The following ATP8A1 variants were observed in gnomAD, a reference collection of about 807,000 sequenced individuals.
The protein encoded by ATP8A1 is ATPase phospholipid transporting 8A1, also known as phospholipid-transporting ATPase IA.
In ATP8A1, 90 loss-of-function variants were observed where a neutral mutation model predicts 177.7. The observed-to-expected ratio is 0.51, with a 90% CI of 0.43 to 0.60. The LOEUF (loss-of-function observed/expected upper bound fraction) is 0.60. Among genes scored for constraint, ATP8A1 ranks in the 20% least tolerant of loss-of-function variants. The probability of loss-of-function intolerance (pLI) is 0.00; values close to 1 mark genes in which losing one functional copy is unlikely to be tolerated. For missense variants in ATP8A1, 1,072 were observed against 1,392.8 expected, an observed-to-expected ratio of 0.77 and a Z score of 3.67; for synonymous variants, 493 against 485.9, an observed-to-expected ratio of 1.01 and a Z score of -0.19.
intron 6 of ATP8A1, among the ~76,000 whole-genome samples, chr4:42,593,098 C>T (rs1462517686): frequency 6.6e-6 from 1 of 152,040 alleles, no homozygotes; most frequent in African/African-American, 2.4e-5. Flanking sequence ...GAAATCAAGG[C>T]ATGAGAGATT....
chr4:42,442,677 T>TAA (rs747962979), intron 33 of ATP8A1, among the ~76,000 whole-genome samples: 2 of 152,194 alleles, frequency 1.3e-5, no homozygotes, highest in Non-Finnish European at 2.9e-5. Flanking sequence ...TGCTGTCAGA[T>TAA]AAAATTTCAT....
In ATP8A1 at chr4:42,475,662, T is replaced by C. The variant is rs185813723; in HGVS notation, c.2324+9834A>G. On this transcript the variant is annotated intron_variant, in intron 25 of 36. Transcript: ENST00000381668. ...ATATAATTTATAAGAGCAACAAACA[T>C]TTGAATAATAGGTGCCACGTATTAG... Among the ~76,000 whole-genome samples, 91 of 152,208 alleles carry C rather than the reference T, an allele frequency of 6.0e-4. No individual in the cohort carries two copies. In the East Asian group the frequency reaches 0.01, roughly 17 times the overall value.
intron 22 of ATP8A1, among the ~76,000 whole-genome samples, chr4:42,514,943 C>T (rs1725380126): frequency 2.6e-5 from 4 of 152,110 alleles, no homozygotes; most frequent in South Asian, 2.1e-4. Flanking sequence ...ATGTTGAATA[C>T]GTACTTATGA....
intron 20 of ATP8A1, among the ~76,000 whole-genome samples, chr4:42,528,228 G>A (rs6447166): frequency 0.17 from 25,210 of 152,098 alleles, 4,477 homozygotes; most frequent in African/African-American, 0.45. Context: ...CAACTGGCAG[G>A]ATCCCCACAT....
rs570573159 is a variant in ATP8A1 at position 42,414,158 on chromosome 4, T to C, written c.3397+469A>G. Among the ~76,000 whole-genome samples the C allele has an allele frequency of 2.2e-4, 33 of 152,390 alleles. No homozygotes were observed. The South Asian group carries it at 2.9e-3, about 13-fold the overall frequency. ...ATTTACTACAGGGCTTTACATTTTATATTCTTTTTTAGATCTTGAAATGTT... is the reference window on the plus strand; with the variant it reads ...ATTTACTACAGGGCTTTACATTTTACATTCTTTTTTAGATCTTGAAATGTT... On this transcript the variant is annotated intron_variant, in intron 36 of 36. Transcript: ENST00000381668.
At chr4:42,575,743 G>T (rs1732380837) in intron 12 of ATP8A1, 44 bp from the exon 13 acceptor site, 1 of 1,501,396 alleles carries the variant, frequency 6.7e-7, no homozygotes, top group South Asian at 1.2e-5. Flanking sequence ...CTGGTAATAA[G>T]GAATTGGGTG....
Position 42,511,372 on chromosome 4 carries a change from G to A in ATP8A1, c.1948-4218C>T, listed in dbSNP as rs1724989144. Among the ~76,000 whole-genome samples the A allele has an allele frequency of 2.6e-5, 4 of 152,064 alleles. No homozygotes were observed. The South Asian group carries it at 8.3e-4, about 32-fold the overall frequency. On this transcript the variant is annotated intron_variant, in intron 22 of 36. Coordinates refer to ENST00000381668, the MANE Select transcript of ATP8A1 (RefSeq NM_006095.2). ...AGATGGCCACTAATGGGCACTAGGGGAATTACATATTCAGCAAGTGTTGAA... is the reference window on the plus strand; with the variant it reads ...AGATGGCCACTAATGGGCACTAGGGAAATTACATATTCAGCAAGTGTTGAA...
chr4:42,629,843 A>C (rs568339085), intron 1 of ATP8A1, among the ~76,000 whole-genome samples: 2 of 152,346 alleles, frequency 1.3e-5, no homozygotes, highest in African/African-American at 4.8e-5. Flanking sequence ...TCTTCAATGC[A>C]ATCATCTTAC....
chr4:42,409,302 TTAAC>T lies in ATP8A1; in HGVS notation c.*3610_*3613del, dbSNP rs1358601805. On this transcript the variant is annotated 3_prime_UTR_variant, in exon 37 of 37. Transcript: ENST00000381668. ...ACATTTATTTCCTTTCCTTCAAAAT[TTAAC>T]TTACATTCCACTTTAATAGCTGTTG... 1 of 152,192 alleles carries T rather than the reference TTAAC, an allele frequency of 6.6e-6. No individual in the cohort carries two copies. The highest frequency in any genetic ancestry group is 1.9e-4 in the East Asian group (1 of 5,202). 9.4% of individuals were successfully genotyped at this position (152,192 alleles called of 1,614,324 possible).
chr4:42,432,341 T>A (rs1172485893), intron 33 of ATP8A1, among the ~76,000 whole-genome samples: 1 of 152,156 alleles, frequency 6.6e-6, no homozygotes, highest in East Asian at 1.9e-4. Flanking sequence ...TAGAAATATA[T>A]CAGTAGAATG....
intron 26 of ATP8A1, 43 bp from the exon 27 acceptor site, chr4:42,464,843 G>C (rs1399729051): frequency 1.2e-6 from 2 of 1,611,502 alleles, no homozygotes; most frequent in Non-Finnish European, 1.7e-6. Context: ...CCTTTTCAAA[G>C]CATCAGTTGA....
intron 22 of ATP8A1, among the ~76,000 whole-genome samples, chr4:42,518,458 G>A (rs769248047): frequency 6.6e-6 from 1 of 152,136 alleles, no homozygotes; most frequent in Non-Finnish European, 1.5e-5. Context: ...GTCACAACAA[G>A]CCCTGCCTGG....
chr4:42,575,744 G>A (rs1010852271), intron 12 of ATP8A1, 45 bp from the exon 13 acceptor site: 2 of 1,493,870 alleles, frequency 1.3e-6, no homozygotes, highest in African/African-American at 2.8e-5. Context: ...TGGTAATAAG[G>A]AATTGGGTGA....
intron 25 of ATP8A1, among the ~76,000 whole-genome samples, chr4:42,484,020 T>C (rs1292215348): frequency 1.3e-5 from 2 of 152,222 alleles, no homozygotes; most frequent in African/African-American, 4.8e-5. Flanking sequence ...ATCATAACAC[T>C]TGTGCTTTTG....
intron 15 of ATP8A1, among the ~76,000 whole-genome samples, chr4:42,568,475 A>T (rs1234344393): frequency 1.3e-5 from 2 of 152,220 alleles, no homozygotes; most frequent in Non-Finnish European, 2.9e-5. Context: ...GAATTATAGA[A>T]ATATCAAAAT....
chr4:42,507,210 C>G (rs936659487), intron 22 of ATP8A1, 56 bp from the exon 23 acceptor site: 2 of 1,565,456 alleles, frequency 1.3e-6, no homozygotes, highest in African/African-American at 2.7e-5. Context: ...TCTTTAAAAA[C>G]AAAAAATTGA....
At chr4:42,581,495 A>G (rs1047120358) in intron 10 of ATP8A1, 126 bp downstream of exon 10, 5 of 717,852 alleles carry the variant, frequency 7.0e-6, no homozygotes, top group Non-Finnish European at 1.2e-5. Flanking sequence ...GATTCTGAAC[A>G]TATAGGGTTG....
At chr4:42,448,587 G>A (rs28760110) in intron 30 of ATP8A1, among the ~76,000 whole-genome samples, 140 of 150,760 alleles carry the variant, frequency 9.3e-4, no homozygotes, top group African/African-American at 3.2e-3. Context: ...TGGTAGAGAC[G>A]GGGTTTCACC....
At chr4:42,554,400 G>T (rs1442570464) in intron 16 of ATP8A1, among the ~76,000 whole-genome samples, 3 of 152,190 alleles carry the variant, frequency 2.0e-5, no homozygotes, top group Non-Finnish European at 4.4e-5. Context: ...CACAAGATAG[G>T]TGATGGTATG....
Sources: gnomAD v4.1 joint callset for allele counts (sites outside exome capture counted in the v4.1 genomes callset) on GRCh38, gnomAD v4.1.1 for gene constraint, MANE v1.5 for transcripts, NCBI Gene and HGNC (gene_info 2026-07-23, HGNC 2026-07-21) for gene names.